Variants in SHLD2 observed in about 807,000 individuals in gnomAD.
SHLD2 encodes the protein RINN1-REV7-interacting novel NHEJ regulator 2.
A neutral mutation model predicts 73.2 loss-of-function variants in SHLD2; 30 were observed. The observed-to-expected ratio is 0.41, with a 90% CI of 0.31 to 0.56. The LOEUF is 0.56. Among genes scored for constraint, SHLD2 ranks in the 20% least tolerant of loss-of-function variants. The pLI is 0.28. For missense variants in SHLD2, 745 were observed against 1,055.9 expected, an observed-to-expected ratio of 0.71 and a Z score of 4.08; for synonymous variants, 285 against 370.1, an observed-to-expected ratio of 0.77 and a Z score of 2.64.
intron 2 of SHLD2, among the ~76,000 whole-genome samples, chr10:87,099,649 C>A (rs948880174): frequency 6.6e-6 from 1 of 152,134 alleles, no homozygotes; most frequent in African/African-American, 2.4e-5. Flanking sequence ...GTTTTCAGTT[C>A]TCTTGGGTGC....
At chr10:87,149,045 G>A (rs985261673) in intron 2 of SHLD2, among the ~76,000 whole-genome samples, 16 of 151,310 alleles carry the variant, frequency 1.1e-4, no homozygotes, top group Admixed American at 7.9e-4. Flanking sequence ...GTGCCATCAT[G>A]CCCTGGTAAT....
intron 2 of SHLD2, among the ~76,000 whole-genome samples, chr10:87,112,726 A>C (rs61128372): frequency 0.13 from 19,986 of 150,894 alleles, 1,543 homozygotes; most frequent in Admixed American, 0.26. Flanking sequence ...AAAAAAAAAA[A>C]AACCCAAAAA....
chr10:87,097,610 T>C (rs1169072359), intron 2 of SHLD2, among the ~76,000 whole-genome samples: 1 of 151,852 alleles, frequency 6.6e-6, no homozygotes, highest in Non-Finnish European at 1.5e-5. Context: ...AAAGGCAGAA[T>C]TGAAGAAGCT....
chr10:87,133,510 A>C (rs1844580838), intron 2 of SHLD2, among the ~76,000 whole-genome samples: 1 of 152,146 alleles, frequency 6.6e-6, no homozygotes, highest in African/African-American at 2.4e-5. Flanking sequence ...GGTCATTTTC[A>C]AAAAAAGATG....
intron 2 of SHLD2, among the ~76,000 whole-genome samples, chr10:87,141,333 C>T (rs887762896): frequency 9.4e-5 from 13 of 138,416 alleles, no homozygotes; most frequent in East Asian, 2.7e-4. Flanking sequence ...TTCTGGTGTT[C>T]GGTGTTTTTT....
intron 4 of SHLD2, among the ~76,000 whole-genome samples, chr10:87,165,053 G>A (rs1222350969): frequency 6.6e-6 from 1 of 152,050 alleles, no homozygotes; most frequent in Non-Finnish European, 1.5e-5. Context: ...CAGGTTTGGA[G>A]GTGTGTCCCT....
intron 2 of SHLD2, among the ~76,000 whole-genome samples, chr10:87,105,188 C>T (rs898042946): frequency 6.6e-6 from 1 of 152,026 alleles, no homozygotes; most frequent in Non-Finnish European, 1.5e-5. Flanking sequence ...AGTTTTAGAT[C>T]AATTGTAATT....
intron 2 of SHLD2, among the ~76,000 whole-genome samples, chr10:87,109,444 G>A (rs367618148): frequency 1.3e-5 from 2 of 151,852 alleles, no homozygotes; most frequent in Non-Finnish European, 2.9e-5. Flanking sequence ...GATTATAGGC[G>A]CTTCTACCAC....
intron 3 of SHLD2, among the ~76,000 whole-genome samples, chr10:87,153,774 C>T (rs1846181040): frequency 6.6e-6 from 1 of 152,120 alleles, no homozygotes; most frequent in Non-Finnish European, 1.5e-5. Context: ...AGCTGAAGCC[C>T]AGAGAAGTAA....
At chr10:87,175,790 T>C (rs996821881) in intron 6 of SHLD2, 99 bp from the exon 7 acceptor site, 68 of 1,170,628 alleles carry the variant, frequency 5.8e-5, no homozygotes, top group Non-Finnish European at 2.7e-5. Context: ...GATAAAAGAT[T>C]AGATTCAACT....
chr10:87,170,649 T>A lies in SHLD2; in HGVS notation c.1805T>A (p.Val602Asp). The part of the protein sequence containing the change: ...PDVLVHAVLR[V>D]VDFTILTEAV... Reference sequence around the variant, plus strand: ...GTATTAGTCCACGCAGTACTAAGAGTTGTTGATTTCACTATACTGACAGGT... The same window carrying A: ...GTATTAGTCCACGCAGTACTAAGAGATGTTGATTTCACTATACTGACAGGT... The change falls in exon 5 of 10, where the codon GTT becomes GAT. Residue 602 changes from valine to aspartate, a missense_variant. Around this residue, in one of 5 missense-constraint regions of SHLD2, gnomAD observed 418 missense variants for 567.8 expected, o/e 0.74. Coordinates refer to ENST00000298786, the MANE Select transcript of SHLD2 (RefSeq NM_001330112.2). The A allele has an allele frequency of 6.2e-7, 1 of 1,606,114 alleles. No individual in the cohort carries two copies. The highest frequency in any genetic ancestry group is 1.7e-5 in the Admixed American group (1 of 58,110).
intron 8 of SHLD2, among the ~76,000 whole-genome samples, chr10:87,181,213 T>C (rs1413255269): frequency 1.1e-5 from 1 of 88,204 alleles, no homozygotes; most frequent in Non-Finnish European, 2.4e-5. Context: ...AAACCCCATC[T>C]CTACCAAAAA....
intron 2 of SHLD2, among the ~76,000 whole-genome samples, chr10:87,117,376 A>G (rs1401640316): frequency 6.6e-6 from 1 of 152,166 alleles, no homozygotes; most frequent in African/African-American, 2.4e-5. Context: ...CCGAGATTGC[A>G]CCATTGCACT....
At chr10:87,141,207 G>A (rs1589536191) in intron 2 of SHLD2, among the ~76,000 whole-genome samples, 1 of 152,154 alleles carries the variant, frequency 6.6e-6, no homozygotes, top group African/African-American at 2.4e-5. Context: ...CTTGAGCTTG[G>A]GAGGTTGAGG....
chr10:87,109,071 T>C lies in SHLD2; in HGVS notation c.-6+12082T>C, dbSNP rs115576985. Among the ~76,000 whole-genome samples the C allele has an allele frequency of 5.5e-3, 844 of 152,262 alleles. 8 individuals are homozygous for C. The highest frequency in any genetic ancestry group is 0.019 in the African/African-American group (810 of 41,560). On this transcript the variant is annotated intron_variant, in intron 2 of 9. Transcript: ENST00000298786. ...TGTTTTGGGTATACTGGCCCAGTGG[T>C]GAGTGCTGATATGCTTGGGACCCTA...
At chr10:87,135,842 A>G (rs1388288800) in intron 2 of SHLD2, among the ~76,000 whole-genome samples, 2 of 152,134 alleles carry the variant, frequency 1.3e-5, no homozygotes, top group East Asian at 1.9e-4. Context: ...CATACTGTCA[A>G]TATGACTAAT....
intron 2 of SHLD2, among the ~76,000 whole-genome samples, chr10:87,128,547 G>A (rs945843055): frequency 6.6e-6 from 1 of 152,086 alleles, no homozygotes; most frequent in Non-Finnish European, 1.5e-5. Context: ...CTGTTTCATG[G>A]GAGGCAAATA....
intron 2 of SHLD2, among the ~76,000 whole-genome samples, chr10:87,126,446 G>T (rs1844014058): frequency 1.3e-5 from 2 of 151,508 alleles, no homozygotes; most frequent in African/African-American, 4.9e-5. Context: ...TTTTGATTTT[G>T]TTTTTTTGGC....
At chr10:87,099,017 AT>A (rs1842094194) in intron 2 of SHLD2, among the ~76,000 whole-genome samples, 1 of 152,182 alleles carries the variant, frequency 6.6e-6, no homozygotes, top group South Asian at 2.1e-4. Flanking sequence ...CTCAAGCGAT[AT>A]GCCCGCCTCT....
Sources: gnomAD v4.1 joint callset for allele counts (sites outside exome capture counted in the v4.1 genomes callset) on GRCh38, gnomAD v4.1.1 for gene constraint, gnomAD v4.1.1 regional missense constraint, MANE v1.5 for transcripts, NCBI Gene and HGNC (gene_info 2026-07-23, HGNC 2026-07-21) for gene names.